The following RRM1 variants were observed in gnomAD, a reference collection of about 807,000 sequenced individuals.
RRM1 encodes the protein ribonucleotide reductase catalytic subunit M1, also known as ribonucleoside-diphosphate reductase large subunit.
A neutral mutation model predicts 101.5 loss-of-function variants in RRM1; 19 were observed. The ratio of observed to expected loss-of-function variants is 0.19; its 90% CI spans 0.13 to 0.27. The LOEUF (loss-of-function observed/expected upper bound fraction) is 0.27, where lower values mean the gene tolerates loss of function less well. Among genes scored for constraint, RRM1 ranks in the 10% least tolerant of loss-of-function variants. The pLI is 1.00. For missense variants in RRM1, 500 were observed against 962.9 expected (o/e 0.52, Z 6.36); for synonymous variants, 298 against 323.4 (o/e 0.92, Z 0.84).
In RRM1 at chr11:4,127,223, C is replaced by T. The variant is rs138097785; in HGVS notation, c.1659C>T (p.Tyr553=). 3,206 of 1,605,048 alleles carry T rather than the reference C, an allele frequency of 2.0e-3. 28 individuals carry two copies. The East Asian group carries it at 0.021, about 11-fold the overall frequency. ...SCDLAKEQGP[Y]ETYEGSPVSK... Reference sequence around the variant, plus strand: ...ACCTTGCCAAGGAGCAGGGCCCATACGAAACCTATGAGGGCTCTCCAGTTA... The same window carrying T: ...ACCTTGCCAAGGAGCAGGGCCCATATGAAACCTATGAGGGCTCTCCAGTTA... Residue 553 remains tyrosine, a synonymous_variant, in exon 14 of 19, where the codon TAC becomes TAT. Transcript: ENST00000300738.
chr11:4,137,904 C>A (rs1283161370), intron 18 of RRM1, among the ~76,000 whole-genome samples: 1 of 105,868 alleles, frequency 9.4e-6, no homozygotes, highest in African/African-American at 3.4e-5. Context: ...GGGGCTCACA[C>A]CCCCACCTCC....
chr11:4,095,089 CGGA>C (rs912967838), intron 1 of RRM1, 58 bp downstream of exon 1: 9 of 1,539,952 alleles, frequency 5.8e-6, no homozygotes, highest in Non-Finnish European at 7.9e-6. Flanking sequence ...CTGCCGCCGC[CGGA>C]GCTGATGCCC....
rs370369665 is a variant in RRM1, at chr11:4,095,049, T to A, written c.19+18T>A. 1.3e-4 allele frequency: 199 copies of A among 1,566,472 alleles called. No individual in the cohort carries two copies. The highest frequency in any genetic ancestry group is 1.5e-4 in the Non-Finnish European group (178 of 1,156,062). On this transcript the variant is annotated intron_variant, in intron 1 of 18. Transcript: ENST00000300738. Reference sequence around the variant, plus strand: ...CAAGCGAGGTGAGGGGGGGACGAGGTGGGCGAGAAGGAAGGTGAGGGGATG... The same window carrying A: ...CAAGCGAGGTGAGGGGGGGACGAGGAGGGCGAGAAGGAAGGTGAGGGGATG...
At chr11:4,120,047 AT>A in intron 9 of RRM1, 119 bp downstream of exon 9, 1 of 633,636 alleles carries the variant, frequency 1.6e-6, no homozygotes, top group Non-Finnish European at 2.8e-6. Context: ...TGTAAAATCA[AT>A]TTGAGGAGGT....
chr11:4,130,096 T>A (rs1383481476), intron 15 of RRM1, among the ~76,000 whole-genome samples: 779 of 34,650 alleles, frequency 0.022, 10 homozygotes, highest in East Asian at 0.14. Context: ...ATTTTTTTTT[T>A]TTTTTTTTCC....
chr11:4,095,039 G>C lies in RRM1; in HGVS notation c.19+8G>C. The C allele has an allele frequency of 6.4e-7, 1 of 1,569,224 alleles. No homozygotes were observed. Among genetic ancestry groups the C allele is most frequent in the South Asian group, 1.2e-5 (1 of 85,126 alleles). ...TGCATGTGATCAAGCGAGGTGAGGG[G>C]GGGACGAGGTGGGCGAGAAGGAAGG... On this transcript the variant is annotated splice_region_variant and intron_variant, in intron 1 of 18. Coordinates refer to ENST00000300738, the MANE Select transcript of RRM1 (RefSeq NM_001033.5).
upstream of RRM1, chr11:4,094,733 A>G: frequency 1.8e-6 from 1 of 546,492 alleles, no homozygotes; most frequent in Non-Finnish European, 3.3e-6. Flanking sequence ...GTCGCCTGTC[A>G]GTCTGTGAAG....
chr11:4,103,781 AT>A (rs36062278), intron 2 of RRM1, among the ~76,000 whole-genome samples: 1,851 of 115,230 alleles, frequency 0.016, 14 homozygotes, highest in Middle Eastern at 0.041. Context: ...CCACCACGCT[AT>A]TTTTTTTTTT....
chr11:4,116,467 C>T (rs2094573559), intron 7 of RRM1: 1 of 152,148 alleles, frequency 6.6e-6, no homozygotes. Context: ...TGGCGTATGC[C>T]CATAATCCCA....
intron 5 of RRM1, among the ~76,000 whole-genome samples, chr11:4,110,878 A>C (rs921046814): frequency 1.3e-5 from 2 of 151,950 alleles, no homozygotes; most frequent in African/African-American, 2.4e-5. Context: ...TGCTCATTTA[A>C]TCCCCATGAG....
At chr11:4,101,568 C>CCCCCCCCCCCCCT (rs1554973359) in intron 1 of RRM1, among the ~76,000 whole-genome samples, 1 of 137,866 alleles carries the variant, frequency 7.3e-6, no homozygotes. Context: ...CACCCCCCCC[C>CCCCCCCCCCCCCT]GCTCCCTTGG....
chr11:4,135,001 A>G, intron 17 of RRM1, 81 bp from the exon 18 acceptor site: 1 of 1,062,030 alleles, frequency 9.4e-7, no homozygotes, highest in South Asian at 1.7e-5. Flanking sequence ...AATGAAGATC[A>G]AAGCTTGTGT....
At chr11:4,127,634 T>C (rs1310956096) in intron 14 of RRM1, among the ~76,000 whole-genome samples, 2 of 152,202 alleles carry the variant, frequency 1.3e-5, no homozygotes, top group Non-Finnish European at 2.9e-5. Context: ...TCCCAACATG[T>C]TGATTTTGGG....
chr11:4,115,943 A>G (rs916446407), intron 7 of RRM1: 1 of 152,268 alleles, frequency 6.6e-6, no homozygotes, highest in African/African-American at 2.4e-5. Context: ...AAAATTGACT[A>G]CAATTAAAAA....
rs755276236 is a variant in RRM1 at position 4,127,205 on chromosome 11, C to G, written c.1641C>G (p.Ala547=). The G allele has an allele frequency of 8.1e-6, 13 of 1,612,806 alleles. No homozygotes were observed. Among genetic ancestry groups the G allele is most frequent in the Non-Finnish European group, 1.1e-5 (13 of 1,179,552 alleles). The change falls in exon 14 of 19, where the codon GCC becomes GCG. Residue 547 remains alanine, a synonymous_variant. Transcript: ENST00000300738. The part of the protein sequence containing the change: ...YGALEASCDL[A]KEQGPYETYE... ...CTCTGGAAGCCAGCTGTGACCTTGC[C>G]AAGGAGCAGGGCCCATACGAAACCT...
intron 13 of RRM1, 101 bp downstream of exon 13, chr11:4,126,934 T>C: frequency 7.0e-7 from 1 of 1,425,598 alleles, no homozygotes; most frequent in East Asian, 2.3e-5. Context: ...ATCAATAAAA[T>C]GGTTTGAGAA....
intron 17 of RRM1, among the ~76,000 whole-genome samples, chr11:4,133,980 A>ATT (rs34715101): frequency 0.47 from 42,378 of 90,482 alleles, 11,530 homozygotes; most frequent in Non-Finnish European, 0.52. Flanking sequence ...CCAGACATCA[A>ATT]TTTTTTTTTT....
In RRM1 at chr11:4,096,728, C is replaced by T. The variant is rs149755190; in HGVS notation, c.19+1697C>T. ...ATGTTGCCCAGGCTTGTCTTGAACT[C>T]CTGGGCTCAAGCATTCTTCCCACTT... On this transcript the variant is annotated intron_variant, in intron 1 of 18. Coordinates refer to ENST00000300738, the MANE Select transcript of RRM1 (RefSeq NM_001033.5). Among the ~76,000 whole-genome samples, 933 of 152,050 alleles carry T rather than the reference C, an allele frequency of 6.1e-3. 3 individuals carry two copies. Among genetic ancestry groups the T allele is most frequent in the African/African-American group, 0.021 (864 of 41,448 alleles).
Position 4,133,669 on chromosome 11 carries a change from A to C in RRM1, c.2001+11A>C. 6.5e-7 allele frequency: 1 copy of C among 1,534,150 alleles called. No homozygotes were observed. Among genetic ancestry groups the C allele is most frequent in the South Asian group, 1.1e-5 (1 of 88,736 alleles). On this transcript the variant is annotated intron_variant, in intron 17 of 18. Transcript: ENST00000300738. ...AATGGCTCTATTCAGGTATAGAATG[A>C]AAATGAAGTGTGCTCTGCAGGGGCT...
Sources: gnomAD v4.1 joint callset for allele counts (sites outside exome capture counted in the v4.1 genomes callset) on GRCh38, gnomAD v4.1.1 for gene constraint, MANE v1.5 for transcripts, NCBI Gene and HGNC (gene_info 2026-07-23, HGNC 2026-07-21) for gene names.